Variants in NDUFAF6 observed in about 807,000 individuals in gnomAD.
NDUFAF6 encodes NADH dehydrogenase (ubiquinone) complex I, assembly factor 6.
Under a neutral mutation model 40.8 loss-of-function variants are expected in NDUFAF6, and 45 were observed. The observed-to-expected ratio is 1.10, with a 90% CI of 0.87 to 1.42. The LOEUF is 1.42. Among genes scored for constraint, NDUFAF6 ranks in the 40% most tolerant of loss-of-function variants. NDUFAF6 has a pLI of 0.00. For missense variants in NDUFAF6, 435 were observed against 418.5 expected, an observed-to-expected ratio of 1.04 and a Z score of -0.34; for synonymous variants, 185 against 155.9, an observed-to-expected ratio of 1.19 and a Z score of -1.39.
chr8:94,906,419 G>C (rs558289150), intron 1 of NDUFAF6, among the ~76,000 whole-genome samples: 1 of 152,272 alleles, frequency 6.6e-6, no homozygotes, highest in African/African-American at 2.4e-5. Flanking sequence ...CCTTTCTGCT[G>C]GTATAAGAAC....
intron 8 of NDUFAF6, among the ~76,000 whole-genome samples, chr8:95,056,496 A>T (rs536528665): frequency 4.0e-4 from 61 of 152,112 alleles, no homozygotes; most frequent in Non-Finnish European, 6.9e-4. Context: ...TACAGGCGTG[A>T]GCCACCACGC....
downstream of NDUFAF6, among the ~76,000 whole-genome samples, chr8:95,079,600 A>G (rs1398828903): frequency 6.6e-6 from 1 of 152,230 alleles, no homozygotes; most frequent in African/African-American, 2.4e-5. Flanking sequence ...AGAAAACTGG[A>G]TGAGAGAAGG....
chr8:94,987,620 G>GTCC (rs1390908037), intron 2 of NDUFAF6, among the ~76,000 whole-genome samples: 1 of 152,158 alleles, frequency 6.6e-6, no homozygotes, highest in East Asian at 1.9e-4. Context: ...GACAGAGACG[G>GTCC]TCCTGGCTAA....
chr8:94,920,535 T>C (rs1455710741), intron 1 of NDUFAF6, among the ~76,000 whole-genome samples: 4 of 152,218 alleles, frequency 2.6e-5, no homozygotes, highest in Non-Finnish European at 5.9e-5. Context: ...TTGCAGTCCC[T>C]GCATGTCCCC....
chr8:95,000,077 C>A (rs542322430), intron 2 of NDUFAF6, among the ~76,000 whole-genome samples: 33 of 151,306 alleles, frequency 2.2e-4, no homozygotes, highest in Admixed American at 3.3e-4. Flanking sequence ...TAGCTGGGTG[C>A]GGTAATCCCA....
chr8:95,053,732 T>G (rs1831723844), intron 8 of NDUFAF6, among the ~76,000 whole-genome samples: 1 of 151,658 alleles, frequency 6.6e-6, no homozygotes, highest in East Asian at 1.9e-4. Context: ...TTCAAGTGAT[T>G]CTCAGGCCTC....
At chr8:95,011,603 C>T (rs539392103) in intron 2 of NDUFAF6, among the ~76,000 whole-genome samples, 34 of 152,144 alleles carry the variant, frequency 2.2e-4, no homozygotes, top group Non-Finnish European at 4.6e-4. Flanking sequence ...ACTCTTTTGA[C>T]CTTTCACCTT....
At chr8:94,901,129 AG>A (rs1241101976) in intron 1 of NDUFAF6, among the ~76,000 whole-genome samples, 1 of 152,218 alleles carries the variant, frequency 6.6e-6, no homozygotes, top group African/African-American at 2.4e-5. Flanking sequence ...ACAAATAGGA[AG>A]GAAGAACATC....
chr8:95,024,906 C>A, upstream of NDUFAF6: 2 of 1,039,634 alleles, frequency 1.9e-6, no homozygotes, highest in African/African-American at 1.7e-5. Context: ...CCAGAGGCTG[C>A]CTTCCCGCGA....
intron 9 of NDUFAF6, among the ~76,000 whole-genome samples, chr8:95,070,885 C>T (rs1563852261): frequency 6.6e-6 from 1 of 151,980 alleles, no homozygotes; most frequent in South Asian, 2.1e-4. Context: ...TTTTCCTATT[C>T]CCCTCCCCTC....
At chr8:95,027,546 C>T (rs1828302568) in intron 1 of NDUFAF6, among the ~76,000 whole-genome samples, 2 of 148,754 alleles carry the variant, frequency 1.3e-5, no homozygotes, top group Admixed American at 1.3e-4. Flanking sequence ...TGCCACTGCA[C>T]TCCAGCCTGG....
At chr8:95,069,761 C>T (rs1405570447) in intron 9 of NDUFAF6, among the ~76,000 whole-genome samples, 1 of 131,804 alleles carries the variant, frequency 7.6e-6, no homozygotes, top group African/African-American at 2.9e-5. Context: ...GCCTGGGTGA[C>T]AAGAGTGAGA....
chr8:95,063,895 G>C (rs993919997), intron 9 of NDUFAF6, among the ~76,000 whole-genome samples: 2 of 150,002 alleles, frequency 1.3e-5, no homozygotes, highest in Non-Finnish European at 3.0e-5. Flanking sequence ...TTTTTGAGAC[G>C]GAGTCCTGCT....
At chr8:94,900,552 T>C (rs769512673) in intron 1 of NDUFAF6, among the ~76,000 whole-genome samples, 1 of 152,128 alleles carries the variant, frequency 6.6e-6, no homozygotes, top group African/African-American at 2.4e-5. Context: ...TCCTTCATGA[T>C]TCCTGAAACT....
chr8:94,948,254 G>A (rs1822188140), intron 2 of NDUFAF6, among the ~76,000 whole-genome samples: 1 of 152,134 alleles, frequency 6.6e-6, no homozygotes, highest in Non-Finnish European at 1.5e-5. Context: ...TTTATTAATT[G>A]GCTGTGTGGC....
chr8:95,023,770 C>T (rs939574734), upstream of NDUFAF6, among the ~76,000 whole-genome samples: 2 of 152,086 alleles, frequency 1.3e-5, no homozygotes, highest in Non-Finnish European at 2.9e-5. Flanking sequence ...CTGAGGTGGG[C>T]GGATCATGAG....
intron 1 of NDUFAF6, among the ~76,000 whole-genome samples, chr8:94,945,047 T>C (rs1333418781): frequency 2.0e-5 from 3 of 152,244 alleles, no homozygotes; most frequent in Non-Finnish European, 4.4e-5. Context: ...GAAATGTGAC[T>C]AGTATCATCG....
intron 1 of NDUFAF6, among the ~76,000 whole-genome samples, chr8:94,905,285 C>G (rs529523362): frequency 9.6e-4 from 100 of 104,324 alleles, no homozygotes; most frequent in African/African-American, 2.9e-3. Flanking sequence ...CACTCCTTTT[C>G]AGGTTTTTTT....
At position 95,114,688 on chromosome 8, in the gene NDUFAF6, T is replaced by C. The variant is rs547908230; in HGVS notation, n.345-848T>C. Among the ~76,000 whole-genome samples, 4 of 152,330 alleles carry C rather than the reference T, an allele frequency of 2.6e-5. No individual in the cohort carries two copies. The South Asian group carries it at 6.2e-4, about 24-fold the overall frequency. The stretch of plus-strand genomic sequence containing the variant: ...TAATCTCTTTCATTCACCCGGTATA[T>C]ACAGGTGATAATTATGTTCTTTCCT... On this transcript the variant is annotated intron_variant and non_coding_transcript_variant, in intron 4 of 5. Coordinates refer to the NDUFAF6 transcript ENST00000523184.
Sources: allele counts gnomAD v4.1 joint callset (sites outside exome capture counted in the v4.1 genomes callset), GRCh38; gene constraint gnomAD v4.1.1; transcripts MANE v1.5; gene names NCBI Gene and HGNC (gene_info 2026-07-23, HGNC 2026-07-21).